Variants in CHL1 observed in about 807,000 individuals in gnomAD.
The protein encoded by CHL1 is neural cell adhesion molecule L1-like protein.
In CHL1, 96 loss-of-function variants were observed where a neutral mutation model predicts 141.9. That is an observed-to-expected ratio of 0.68 (90% CI 0.57 to 0.80). The LOEUF (loss-of-function observed/expected upper bound fraction) is 0.80. CHL1 is among the 30% of genes least tolerant of loss of function. The pLI is 0.00. For missense variants in CHL1, 1,820 were observed against 1,457.2 expected (o/e 1.25, Z -4.05); for synonymous variants, 613 against 502.2 (o/e 1.22, Z -2.95).
At chr3:401,870 T>C (rs1223241406) in intron 27 of CHL1, among the ~76,000 whole-genome samples, 172 bp downstream of exon 27, 3 of 152,216 alleles carry the variant, frequency 2.0e-5, no homozygotes, top group Admixed American at 2.0e-4. Flanking sequence ...ACCAAATTTC[T>C]GTGTGTGTGA....
chr3:205,668 C>A (rs560063416), intron 1 of CHL1, among the ~76,000 whole-genome samples: 5 of 152,032 alleles, frequency 3.3e-5, no homozygotes, highest in African/African-American at 1.2e-4. Context: ...TGCGCGCGCA[C>A]GTGTATGTGT....
At chr3:312,026 A>T (rs1298358489) in intron 2 of CHL1, among the ~76,000 whole-genome samples, 3 of 152,216 alleles carry the variant, frequency 2.0e-5, no homozygotes. Context: ...TTACATGTAT[A>T]GGTGGGAAAA....
chr3:354,594 T>C, intron 10 of CHL1, 46 bp from the exon 11 acceptor site: 2 of 1,566,170 alleles, frequency 1.3e-6, no homozygotes, highest in South Asian at 2.4e-5. Flanking sequence ...TTTTGGACTT[T>C]TTGACATAGA....
intron 10 of CHL1, 82 bp from the exon 11 acceptor site, chr3:354,558 C>A (rs1228042949): frequency 8.1e-6 from 12 of 1,475,164 alleles, no homozygotes; most frequent in Non-Finnish European, 8.2e-6. Context: ...TCTGCTGGTG[C>A]AAAGTAGAAA....
intron 2 of CHL1, among the ~76,000 whole-genome samples, chr3:289,501 G>A (rs1370813884): frequency 6.6e-6 from 1 of 152,074 alleles, no homozygotes; most frequent in Non-Finnish European, 1.5e-5. Context: ...ATTATTCATG[G>A]TAGTTATCTT....
At chr3:372,825 C>CT (rs112448072) in intron 15 of CHL1, among the ~76,000 whole-genome samples, 280 of 145,692 alleles carry the variant, frequency 1.9e-3, no homozygotes, top group South Asian at 1.9e-3. Flanking sequence ...TCTTTTCTTT[C>CT]TTTTTTTTTT....
At chr3:229,362 A>G (rs1701664828) in intron 1 of CHL1, among the ~76,000 whole-genome samples, 1 of 152,196 alleles carries the variant, frequency 6.6e-6, no homozygotes, top group Admixed American at 6.6e-5. Flanking sequence ...CAGTTTCCCC[A>G]TGCCCCCGTT....
chr3:373,897 T>A (rs1705970123), intron 15 of CHL1: 1 of 152,504 alleles, frequency 6.6e-6, no homozygotes, highest in Admixed American at 6.5e-5. Flanking sequence ...TGTTCTTCCC[T>A]CCTCTCCGCG....
At chr3:262,972 C>G (rs1308939497) in intron 2 of CHL1, among the ~76,000 whole-genome samples, 1 of 152,182 alleles carries the variant, frequency 6.6e-6, no homozygotes, top group Non-Finnish European at 1.5e-5. Context: ...ATGACAGCTT[C>G]CTAATGACCT....
At chr3:304,943 T>C (rs916272182) in intron 2 of CHL1, among the ~76,000 whole-genome samples, 2 of 152,162 alleles carry the variant, frequency 1.3e-5, no homozygotes, top group Non-Finnish European at 1.5e-5. Context: ...AATGACTTGG[T>C]GGGAGCTTTT....
chr3:228,328 C>T (rs1701547911), intron 1 of CHL1, among the ~76,000 whole-genome samples: 1 of 152,184 alleles, frequency 6.6e-6, no homozygotes, highest in Admixed American at 6.5e-5. Flanking sequence ...TCACCAACGA[C>T]ACCTTAAAGG....
intron 19 of CHL1, among the ~76,000 whole-genome samples, chr3:386,362 CTT>C (rs1305267142): frequency 6.6e-6 from 1 of 152,126 alleles, no homozygotes; most frequent in East Asian, 1.9e-4. Flanking sequence ...TACAATTTAA[CTT>C]AATGGTAGAA....
chr3:290,688 C>T (rs1437852768), intron 2 of CHL1, among the ~76,000 whole-genome samples: 1 of 152,118 alleles, frequency 6.6e-6, no homozygotes, highest in African/African-American at 2.4e-5. Context: ...AATGCATAAA[C>T]CCCTTTCCTC....
chr3:227,697 C>G (rs1247367866), intron 1 of CHL1, among the ~76,000 whole-genome samples: 1 of 152,200 alleles, frequency 6.6e-6, no homozygotes, highest in African/African-American at 2.4e-5. Flanking sequence ...TCAGGCAAAT[C>G]GTTCTTTGTA....
chr3:405,468 A>G (rs1157174882), intron 27 of CHL1, 27 bp from the exon 28 acceptor site: 1 of 1,430,292 alleles, frequency 7.0e-7, no homozygotes, highest in South Asian at 1.2e-5. Flanking sequence ...GATTTTGTTG[A>G]GCTATTTTTG....
intron 2 of CHL1, among the ~76,000 whole-genome samples, chr3:246,047 T>G (rs926098231): frequency 6.6e-6 from 1 of 152,174 alleles, no homozygotes; most frequent in African/African-American, 2.4e-5. Flanking sequence ...AAAACCTGAT[T>G]AATCAATTCC....
chr3:346,683 G>A (rs1385749063), intron 9 of CHL1, among the ~76,000 whole-genome samples: 1 of 152,118 alleles, frequency 6.6e-6, no homozygotes, highest in Non-Finnish European at 1.5e-5. Context: ...TTCACCTGAA[G>A]TAGTTTCTTC....
At chr3:215,230 C>T (rs112208174) in intron 1 of CHL1, among the ~76,000 whole-genome samples, 1 of 152,160 alleles carries the variant, frequency 6.6e-6, no homozygotes, top group African/African-American at 2.4e-5. Flanking sequence ...TAGTACTCAG[C>T]CATAATAAGA....
chr3:265,453 T>G (rs910849446), intron 2 of CHL1, among the ~76,000 whole-genome samples: 1 of 152,236 alleles, frequency 6.6e-6, no homozygotes, highest in Non-Finnish European at 1.5e-5. Flanking sequence ...ATAATTGTGC[T>G]GTCTTATTAT....
Sources: allele counts gnomAD v4.1 joint callset (sites outside exome capture counted in the v4.1 genomes callset), GRCh38; gene constraint gnomAD v4.1.1; transcripts MANE v1.5; gene names NCBI Gene and HGNC (gene_info 2026-07-23, HGNC 2026-07-21).